ROBO1: variants seen among roughly 807,000 people sequenced by gnomAD.
The protein encoded by ROBO1 is roundabout homolog 1.
A neutral mutation model predicts 195.9 loss-of-function variants in ROBO1; 149 were observed. The ratio of observed to expected loss-of-function variants is 0.76; its 90% confidence interval spans 0.67 to 0.87. The LOEUF is 0.87. ROBO1 is among the 40% of genes least tolerant of loss of function. The pLI is 0.00. For missense variants in ROBO1, 1,933 were observed against 2,068.3 expected (o/e 0.93, Z 1.27); for synonymous variants, 816 against 733.2 (o/e 1.11, Z -1.82).
At chr3:79,659,916 G>T (rs79696518) in intron 1 of ROBO1, among the ~76,000 whole-genome samples, 1 of 152,026 alleles carries the variant, frequency 6.6e-6, no homozygotes, top group African/African-American at 2.4e-5. Flanking sequence ...TGCTGCCAAA[G>T]ACACAACATG....
At chr3:79,541,755 ATG>A (rs139123142) in intron 2 of ROBO1, among the ~76,000 whole-genome samples, 2 of 149,176 alleles carry the variant, frequency 1.3e-5, no homozygotes, top group Non-Finnish European at 3.0e-5. Context: ...ACACACACAT[ATG>A]TGTGTGTGTC....
chr3:78,945,257 G>C (rs140452298), intron 3 of ROBO1, among the ~76,000 whole-genome samples: 3,270 of 152,262 alleles, frequency 0.021, 115 homozygotes, highest in African/African-American at 0.072. Context: ...AGCCTAACTG[G>C]GAGGCACCCC....
chr3:78,976,759 C>A (rs2076892812), intron 3 of ROBO1, among the ~76,000 whole-genome samples: 2 of 152,054 alleles, frequency 1.3e-5, no homozygotes, highest in African/African-American at 4.8e-5. Flanking sequence ...AGGGTGTATT[C>A]CTTCATTGTG....
At chr3:79,401,246 A>G (rs1175399770) in intron 2 of ROBO1, among the ~76,000 whole-genome samples, 1 of 151,794 alleles carries the variant, frequency 6.6e-6, no homozygotes, top group Non-Finnish European at 1.5e-5. Context: ...CCAGTCATTC[A>G]TTAGGTAATT....
intron 3 of ROBO1, among the ~76,000 whole-genome samples, chr3:78,960,788 A>G (rs1226547047): frequency 1.6e-5 from 1 of 61,722 alleles, no homozygotes; most frequent in Non-Finnish European, 3.8e-5. Context: ...AAACACACAC[A>G]CACACACACA....
chr3:79,708,663 G>A (rs1358452671), intron 1 of ROBO1, among the ~76,000 whole-genome samples: 2 of 152,136 alleles, frequency 1.3e-5, no homozygotes, highest in Non-Finnish European at 2.9e-5. Flanking sequence ...AGGAGTTTGA[G>A]ACCACCCTGG....
At chr3:79,195,309 G>C (rs2081613785) in intron 2 of ROBO1, among the ~76,000 whole-genome samples, 1 of 151,628 alleles carries the variant, frequency 6.6e-6, no homozygotes, top group Non-Finnish European at 1.5e-5. Flanking sequence ...ATCAGTAGCT[G>C]TTTTTATTAT....
At chr3:79,089,765 T>C (rs987654577) in intron 3 of ROBO1, among the ~76,000 whole-genome samples, 2 of 152,152 alleles carry the variant, frequency 1.3e-5, no homozygotes, top group African/African-American at 4.8e-5. Flanking sequence ...GGTTGTGAAA[T>C]AGATGAACGC....
intron 4 of ROBO1, among the ~76,000 whole-genome samples, chr3:78,819,445 C>A (rs199688102): frequency 8.0e-3 from 984 of 122,544 alleles, no homozygotes; most frequent in African/African-American, 9.0e-3. Flanking sequence ...CCATATTCTA[C>A]AAAAAAAAAA....
At chr3:79,265,107 G>A (rs2083014611) in intron 2 of ROBO1, among the ~76,000 whole-genome samples, 1 of 151,642 alleles carries the variant, frequency 6.6e-6, no homozygotes, top group Non-Finnish European at 1.5e-5. Flanking sequence ...AATCACATTA[G>A]GTTAAAATTA....
intron 3 of ROBO1, among the ~76,000 whole-genome samples, chr3:79,060,367 C>T (rs1180054175): frequency 1.3e-5 from 2 of 151,938 alleles, no homozygotes; most frequent in African/African-American, 4.8e-5. Context: ...ATCTCTGTGA[C>T]CCACTCCCTA....
At chr3:78,891,560 A>G (rs1462486040) in intron 4 of ROBO1, among the ~76,000 whole-genome samples, 1 of 152,198 alleles carries the variant, frequency 6.6e-6, no homozygotes, top group African/African-American at 2.4e-5. Flanking sequence ...CTAAACATAT[A>G]CTTAAGACAC....
intron 2 of ROBO1, among the ~76,000 whole-genome samples, chr3:79,372,501 G>C (rs528386419): frequency 6.6e-6 from 1 of 151,994 alleles, no homozygotes; most frequent in Non-Finnish European, 1.5e-5. Flanking sequence ...GAGCCACTGC[G>C]CCTGGCCTCT....
chr3:79,716,575 A>C (rs935598231), intron 1 of ROBO1, among the ~76,000 whole-genome samples: 2 of 151,988 alleles, frequency 1.3e-5, no homozygotes, highest in Non-Finnish European at 2.9e-5. Flanking sequence ...AGCAGGTTGC[A>C]TATATTTTAG....
intron 2 of ROBO1, among the ~76,000 whole-genome samples, chr3:79,552,623 A>G (rs781439840): frequency 6.6e-6 from 1 of 152,136 alleles, no homozygotes; most frequent in Non-Finnish European, 1.5e-5. Flanking sequence ...TTCATTCCCA[A>G]CTGAAGTTCT....
At chr3:78,729,301 GGAT>G (rs2082235353) in intron 5 of ROBO1, among the ~76,000 whole-genome samples, 1 of 150,922 alleles carries the variant, frequency 6.6e-6, no homozygotes, top group East Asian at 1.9e-4. Context: ...TTAAAGGAAA[GGAT>G]GATTTTCTTT....
chr3:78,866,532 TAAAA>T (rs2035192673), intron 4 of ROBO1, among the ~76,000 whole-genome samples: 1 of 152,204 alleles, frequency 6.6e-6, no homozygotes, highest in Non-Finnish European at 1.5e-5. Context: ...GTACATGGTT[TAAAA>T]AATAATAAAA....
At chr3:79,002,624 T>C (rs2077531897) in intron 3 of ROBO1, among the ~76,000 whole-genome samples, 1 of 152,112 alleles carries the variant, frequency 6.6e-6, no homozygotes, top group Non-Finnish European at 1.5e-5. Context: ...GCCAAGCTGC[T>C]AACCACCACA....
intron 1 of ROBO1, among the ~76,000 whole-genome samples, chr3:79,747,301 A>C (rs1014852143): frequency 6.6e-6 from 1 of 152,038 alleles, no homozygotes; most frequent in African/African-American, 2.4e-5. Context: ...GGACTCCAAC[A>C]AGGAGGTTTG....
Sources: allele counts gnomAD v4.1 joint callset (sites outside exome capture counted in the v4.1 genomes callset), GRCh38; gene constraint gnomAD v4.1.1; transcripts MANE v1.5; gene names NCBI Gene and HGNC (gene_info 2026-07-23, HGNC 2026-07-21).